The following CUEDC1 variants were observed in gnomAD, a reference collection of about 807,000 sequenced individuals.
CUEDC1 encodes CUE domain containing 1.
A neutral mutation model predicts 43.7 loss-of-function variants in CUEDC1; 30 were observed. The observed-to-expected ratio is 0.69, with a 90% confidence interval of 0.51 to 0.93. The LOEUF (loss-of-function observed/expected upper bound fraction) is 0.93. Among genes scored for constraint, CUEDC1 ranks in the 40% least tolerant of loss-of-function variants. CUEDC1 has a pLI of 0.00. For missense variants in CUEDC1, 486 were observed against 549.0 expected (o/e 0.89, Z 1.15); for synonymous variants, 223 against 223.6 (o/e 1.00, Z 0.02).
At chr17:57,898,126 TGA>T (rs1274171635) in intron 1 of CUEDC1, among the ~76,000 whole-genome samples, 56 of 152,346 alleles carry the variant, frequency 3.7e-4, no homozygotes, top group African/African-American at 1.2e-3. Flanking sequence ...CTTCCTGCTC[TGA>T]TCATTTAGGC....
intron 1 of CUEDC1, among the ~76,000 whole-genome samples, chr17:57,910,512 A>C (rs141062537): frequency 6.6e-6 from 1 of 152,254 alleles, no homozygotes; most frequent in African/African-American, 2.4e-5. Context: ...CTGTAATCCC[A>C]GCACTTTGGG....
At chr17:57,903,785 A>T (rs985523374) in intron 1 of CUEDC1, among the ~76,000 whole-genome samples, 5 of 152,106 alleles carry the variant, frequency 3.3e-5, no homozygotes, top group Non-Finnish European at 5.9e-5. Context: ...CAAAAGGAAA[A>T]ATTAGCTAGG....
chr17:57,895,662 G>A (rs930122485), intron 1 of CUEDC1, among the ~76,000 whole-genome samples: 10 of 152,226 alleles, frequency 6.6e-5, no homozygotes, highest in Admixed American at 5.9e-4. Flanking sequence ...CCTGGGAGGA[G>A]ATCAAACCTC....
rs376026012 is a variant in CUEDC1, at chr17:57,954,367, C to T, written c.-316+858G>A. Among the ~76,000 whole-genome samples the T allele has an allele frequency of 3.9e-5, 6 of 152,278 alleles. No individual in the cohort carries two copies. The highest frequency in any genetic ancestry group is 3.9e-4 in the Admixed American group (6 of 15,290). The stretch of plus-strand genomic sequence containing the variant: ...CCACCAAAAAAAGGAAAATCTAAAC[C>T]CTCCCTCCCCTTAAAACACATTCCG... On this transcript the variant is annotated intron_variant, in intron 1 of 10. Transcript: ENST00000577830. This position sits in a 1 kb window ranked among gnomAD's most constrained non-coding sequence, Gnocchi z 4.3.
At chr17:57,905,159 G>C (rs565796535) in intron 1 of CUEDC1, among the ~76,000 whole-genome samples, 1 of 151,758 alleles carries the variant, frequency 6.6e-6, no homozygotes, top group Non-Finnish European at 1.5e-5. Context: ...TGCATGCCTC[G>C]AGGGTCCTGC....
At chr17:57,884,647 C>T (rs2074262833) in intron 2 of CUEDC1, among the ~76,000 whole-genome samples, 1 of 152,236 alleles carries the variant, frequency 6.6e-6, no homozygotes, top group East Asian at 1.9e-4. Flanking sequence ...TTCCCTTTGC[C>T]TGCACACCCT....
chr17:57,864,112 T>C (rs960908890), intron 10 of CUEDC1, among the ~76,000 whole-genome samples: 1 of 149,884 alleles, frequency 6.7e-6, no homozygotes, highest in African/African-American at 2.5e-5. Context: ...TCAGAGTAGG[T>C]AGGGGCAGTG....
intron 1 of CUEDC1, among the ~76,000 whole-genome samples, chr17:57,940,002 G>A (rs1278114305): frequency 6.6e-6 from 1 of 151,968 alleles, no homozygotes; most frequent in Non-Finnish European, 1.5e-5. Flanking sequence ...TTCCCCTATG[G>A]CTTCAAATAG....
chr17:57,954,797 G>A lies in CUEDC1; in HGVS notation c.-316+428C>T, dbSNP rs4426404. Among the ~76,000 whole-genome samples, 14,622 of 152,094 alleles carry A rather than the reference G, an allele frequency of 0.096. 886 individuals are homozygous for A. The highest frequency in any genetic ancestry group is 0.17 in the African/African-American group (7,137 of 41,514). On this transcript the variant is annotated intron_variant, in intron 1 of 10. Coordinates refer to ENST00000577830, the MANE Select transcript of CUEDC1 (RefSeq NM_001271875.2). This position sits in a 1 kb window ranked among gnomAD's most constrained non-coding sequence, Gnocchi z 4.3. Reference sequence around the variant, plus strand: ...CCGCCCAGCCTGCGCCCCCAGGCCCGGGCACTGCGGGGAGGGGCGCCCACA... The same window carrying A: ...CCGCCCAGCCTGCGCCCCCAGGCCCAGGCACTGCGGGGAGGGGCGCCCACA...
chr17:57,865,281 G>A (rs897576970), intron 10 of CUEDC1, among the ~76,000 whole-genome samples: 1 of 152,194 alleles, frequency 6.6e-6, no homozygotes, highest in Non-Finnish European at 1.5e-5. Context: ...AAAGCCTGAG[G>A]GGAATAGAAG....
intron 1 of CUEDC1, among the ~76,000 whole-genome samples, chr17:57,935,562 T>C (rs56235338): frequency 0.014 from 2,171 of 152,240 alleles, 52 homozygotes; most frequent in African/African-American, 0.048. Context: ...CATTTCCTCA[T>C]AGCCAGGCCC....
At position 57,885,442 on chromosome 17, in the gene CUEDC1, C is replaced by T. The variant is rs1049052027; in HGVS notation, c.123G>A (p.Gln41=). 1.3e-6 allele frequency: 2 copies of T among 1,599,734 alleles called. No individual in the cohort carries two copies. The highest frequency in any genetic ancestry group is 1.7e-6 in the Non-Finnish European group (2 of 1,174,964). Residue 41 remains glutamine (Q), a synonymous_variant, in exon 2 of 11, where the codon CAG becomes CAA. Transcript: ENST00000577830. ...QELNNSRPAR[Q]VRRLEFNQAM... ...CCTGGTTGAACTCCAGGCGGCGCAC[C>T]TGGCGGGCAGGCCGGCTGTTGTTGA...
At chr17:57,940,498 T>C (rs1264604174) in intron 1 of CUEDC1, among the ~76,000 whole-genome samples, 1 of 152,158 alleles carries the variant, frequency 6.6e-6, no homozygotes, top group Non-Finnish European at 1.5e-5. Flanking sequence ...CGCAGTAACC[T>C]TGAAGGCCCT....
At chr17:57,880,357 C>T (rs2074187089) in intron 2 of CUEDC1, among the ~76,000 whole-genome samples, 2 of 152,202 alleles carry the variant, frequency 1.3e-5, no homozygotes, top group Admixed American at 1.3e-4. Context: ...GAAACTGAGG[C>T]CGAGGCTAAG....
At chr17:57,880,255 C>T (rs2074185864) in intron 2 of CUEDC1, among the ~76,000 whole-genome samples, 1 of 152,244 alleles carries the variant, frequency 6.6e-6, no homozygotes, top group African/African-American at 2.4e-5. Flanking sequence ...TTCATACCTT[C>T]TCTCAAAGTA....
intron 1 of CUEDC1, among the ~76,000 whole-genome samples, chr17:57,892,842 G>A (rs2074369932): frequency 6.8e-6 from 1 of 146,860 alleles, no homozygotes; most frequent in Non-Finnish European, 1.5e-5. Context: ...TTTAATCCTA[G>A]GCAGGAAATC....
chr17:57,936,509 T>C (rs184914217), intron 1 of CUEDC1, among the ~76,000 whole-genome samples: 2 of 152,168 alleles, frequency 1.3e-5, no homozygotes, highest in African/African-American at 4.8e-5. Flanking sequence ...ACTTCTAGGA[T>C]TCTGCAGACT....
Position 57,885,523 on chromosome 17 carries a change from C to G in CUEDC1, c.42G>C (p.Gly14=), listed in dbSNP as rs2074278101. The part of the protein sequence containing the change: ...LFRRSSSGSG[G]GGTAGARGGG... The stretch of plus-strand genomic sequence containing the variant: ...CCCCGCGTGCCCCGGCGGTGCCACC[C>G]CCGCCGCTGCCGCTGCTGCTCCGGC... The change falls in exon 2 of 11, where the codon GGG becomes GGC. Residue 14 remains glycine (G), a synonymous_variant. Coordinates refer to ENST00000577830, the MANE Select transcript of CUEDC1 (RefSeq NM_001271875.2). 1.4e-6 allele frequency: 2 copies of G among 1,391,252 alleles called. No individual in the cohort carries two copies. Among genetic ancestry groups the G allele is most frequent in the Non-Finnish European group, 1.9e-6 (2 of 1,079,948 alleles). The allele number at this position is 1,391,252 out of a possible 1,614,324, so 86.2% of individuals were successfully genotyped here. A position where few individuals can be genotyped will look rare whatever the true frequency, so the allele number is the denominator to read the frequency against.
intron 1 of CUEDC1, among the ~76,000 whole-genome samples, chr17:57,907,649 C>A (rs2074542550): frequency 2.0e-5 from 3 of 152,028 alleles, no homozygotes; most frequent in Admixed American, 2.0e-4. Context: ...AGTTCGATAC[C>A]AGCTTGGCCA....
Sources: allele counts gnomAD v4.1 joint callset (sites outside exome capture counted in the v4.1 genomes callset), GRCh38; gene constraint gnomAD v4.1.1; non-coding constraint Gnocchi (gnomAD v3.1); transcripts MANE v1.5; gene names NCBI Gene and HGNC (gene_info 2026-07-23, HGNC 2026-07-21).